Variants in HPRT1 observed in about 807,000 individuals in gnomAD.
HPRT1 encodes the protein hypoxanthine phosphoribosyltransferase 1.
Under a neutral mutation model 19.0 loss-of-function variants are expected in HPRT1, and 4 were observed. The observed-to-expected ratio is 0.21, with a 90% CI of 0.10 to 0.48. HPRT1 has a LOEUF of 0.48. HPRT1 is among the 20% of genes least tolerant of loss of function. The pLI is 0.98. For synonymous variants in HPRT1, 53 were observed against 54.9 expected, an observed-to-expected ratio of 0.97 and a Z score of 0.15; for missense variants, 65 against 164.0, an observed-to-expected ratio of 0.40 and a Z score of 3.30.
At chrX:134,487,217 G>T (rs59213300) in intron 4 of HPRT1, among the ~76,000 whole-genome samples, 200 of 111,676 alleles carry the variant, frequency 1.8e-3, no homozygotes, top group Middle Eastern at 9.3e-3. Flanking sequence ...CTTCCATGTA[G>T]TTTAATATCA....
intron 1 of HPRT1, among the ~76,000 whole-genome samples, chrX:134,465,842 C>T (rs969475885): frequency 2.7e-4 from 30 of 112,057 alleles, no homozygotes; most frequent in African/African-American, 8.8e-4. Flanking sequence ...CGTTTTCATT[C>T]ATTTACCACT....
At position 134,474,141 on chromosome X, in the gene HPRT1, T is replaced by A. The variant is rs772215695; in HGVS notation, c.134+676T>A. Among the ~76,000 whole-genome samples, 3 of 111,983 alleles carry A rather than the reference T, an allele frequency of 2.7e-5. No homozygotes were observed. In the South Asian group the frequency reaches 1.1e-3, roughly 42 times the overall value. On this transcript the variant is annotated intron_variant, in intron 2 of 8. Transcript: ENST00000298556. The stretch of plus-strand genomic sequence containing the variant: ...TATTAGTGTGTCTAGAGCTATCTAA[T>A]ATATTTTAAAGGTTGCATAGCATTC...
chrX:134,462,463 T>A (rs1418355614), intron 1 of HPRT1, among the ~76,000 whole-genome samples: 1 of 112,213 alleles, frequency 8.9e-6, no homozygotes, highest in African/African-American at 3.2e-5. Flanking sequence ...ATTACAGGCG[T>A]GAGCCACTGC....
chrX:134,477,255 T>C (rs1163330513), intron 3 of HPRT1, among the ~76,000 whole-genome samples: 2 of 107,666 alleles, frequency 1.9e-5, no homozygotes, highest in Non-Finnish European at 3.8e-5. Context: ...GAGATGGGGT[T>C]TCACCTTGTT....
intron 1 of HPRT1, among the ~76,000 whole-genome samples, chrX:134,466,720 C>T (rs1460851493): frequency 8.9e-6 from 1 of 111,958 alleles, no homozygotes; most frequent in Non-Finnish European, 1.9e-5. Flanking sequence ...TATATTCATA[C>T]AGAAAGTTGG....
intron 1 of HPRT1, among the ~76,000 whole-genome samples, chrX:134,470,357 G>A: frequency 8.9e-6 from 1 of 112,005 alleles, no homozygotes; most frequent in Non-Finnish European, 1.9e-5. Context: ...TTTGGGGACT[G>A]AAAGACAGCA....
intron 2 of HPRT1, 117 bp downstream of exon 2, chrX:134,473,582 G>A: frequency 4.1e-6 from 2 of 488,814 alleles, no homozygotes; most frequent in Non-Finnish European, 7.2e-6. Flanking sequence ...TTAAATAACT[G>A]ATGCTTTCTA....
At position 134,483,018 on chromosome X, in the gene HPRT1, G is replaced by A. The variant is rs920718250; in HGVS notation, c.319-3447G>A. Among the ~76,000 whole-genome samples the A allele has an allele frequency of 4.6e-5, 5 of 107,798 alleles. No individual in the cohort carries two copies. The South Asian group carries it at 1.6e-3, about 35-fold the overall frequency. The allele number at this position is 107,798 out of a possible 115,157, so 93.6% of individuals were successfully genotyped here. A position where few individuals can be genotyped will look rare whatever the true frequency, so the allele number is the denominator to read the frequency against. ...AATGTTGAGAGAATGACTGTTTTCC[G>A]ATAAAAAAAAAAAGTCCATTCTAGG... On this transcript the variant is annotated intron_variant, in intron 3 of 8. Transcript: ENST00000298556.
At chrX:134,498,725 C>T (rs768066647) in intron 8 of HPRT1, 41 bp downstream of exon 8, 8 of 891,192 alleles carry the variant, frequency 9.0e-6, no homozygotes, top group South Asian at 2.0e-5. Context: ...TTTCAAAACA[C>T]GCATAAAAAT....
At chrX:134,478,137 A>G (rs1041961414) in intron 3 of HPRT1, among the ~76,000 whole-genome samples, 12 of 112,274 alleles carry the variant, frequency 1.1e-4, no homozygotes, top group Non-Finnish European at 1.9e-5. Context: ...TGATTTTTAC[A>G]TGCTGATCTT....
intron 3 of HPRT1, among the ~76,000 whole-genome samples, chrX:134,485,577 C>T (rs1436637991): frequency 1.8e-5 from 2 of 111,808 alleles, no homozygotes; most frequent in African/African-American, 3.3e-5. Context: ...TTGAATAATT[C>T]ATCTTTTCCC....
intron 4 of HPRT1, among the ~76,000 whole-genome samples, 154 bp from the exon 5 acceptor site, chrX:134,490,034 A>T (rs1024978476): frequency 9.8e-5 from 11 of 111,694 alleles, no homozygotes; most frequent in African/African-American, 3.6e-4. Context: ...ATCCCAGCAG[A>T]TGGGCCACTT....
At chrX:134,480,805 T>TTGTGTG (rs111997872) in intron 3 of HPRT1, among the ~76,000 whole-genome samples, 1 of 91,649 alleles carries the variant, frequency 1.1e-5, no homozygotes, top group African/African-American at 4.0e-5. Context: ...ATATGTGTAT[T>TTGTGTG]TGTGTGTGTG....
intron 1 of HPRT1, among the ~76,000 whole-genome samples, chrX:134,470,254 A>G (rs1208653755): frequency 1.8e-5 from 2 of 111,886 alleles, no homozygotes; most frequent in Admixed American, 9.6e-5. Context: ...CCTCCTGGCC[A>G]TGTGCACAGG....
chrX:134,465,181 G>GT (rs1437025904), intron 1 of HPRT1, among the ~76,000 whole-genome samples: 1 of 110,622 alleles, frequency 9.0e-6, no homozygotes, highest in African/African-American at 3.3e-5. Flanking sequence ...GGGATTACAG[G>GT]TGTGAGCCAC....
At chrX:134,460,621 C>T (rs1193954854) in intron 1 of HPRT1, 1 of 181,226 alleles carries the variant, frequency 5.5e-6, no homozygotes, top group Admixed American at 8.0e-5. Context: ...TGACATGTGC[C>T]GCCTGCGAGC....
chrX:134,461,830 GCT>G (rs933053833), intron 1 of HPRT1, among the ~76,000 whole-genome samples: 5 of 111,379 alleles, frequency 4.5e-5, no homozygotes, highest in African/African-American at 9.8e-5. Flanking sequence ...CTCGAACCTA[GCT>G]CTCTCTCTCT....
intron 1 of HPRT1, among the ~76,000 whole-genome samples, chrX:134,463,287 G>T (rs1324519798): frequency 9.0e-6 from 1 of 111,619 alleles, no homozygotes; most frequent in Non-Finnish European, 1.9e-5. Flanking sequence ...TTAGATTTTT[G>T]CAAATTAATG....
In HPRT1 at chrX:134,473,377, G is replaced by C; in HGVS notation, c.46G>C (p.Gly16Arg). Reference sequence around the variant, plus strand: ...TTTTCAGATTAGTGATGATGAACCAGGTTATGACCTTGATTTATTTTGCAT... The same window carrying C: ...TTTTCAGATTAGTGATGATGAACCACGTTATGACCTTGATTTATTTTGCAT... ...PGVVISDDEP[G>R]YDLDLFCIPN... is the part of the protein sequence containing the mutation. The change falls in exon 2 of 9, where the codon GGT becomes CGT. Residue 16 changes from glycine to arginine, a missense_variant. Gly to Arg is a moderately radical substitution (Grantham distance 125). Around this residue, in one of 4 missense-constraint regions of HPRT1, gnomAD observed 23 missense variants for 29.3 expected, o/e 0.79. Transcript: ENST00000298556. 1 of 1,177,878 alleles carries C rather than the reference G, an allele frequency of 8.5e-7. No homozygotes were observed.
Sources: allele counts gnomAD v4.1 joint callset (sites outside exome capture counted in the v4.1 genomes callset), GRCh38; gene constraint gnomAD v4.1.1; regional missense constraint gnomAD v4.1.1; transcripts MANE v1.5; gene names NCBI Gene and HGNC (gene_info 2026-07-23, HGNC 2026-07-21).